Variants in CELF6 observed in about 807,000 individuals in gnomAD.
CELF6 encodes the protein Bruno -like 6, RNA binding protein.
A neutral mutation model predicts 53.1 loss-of-function variants in CELF6; 32 were observed. The observed-to-expected ratio is 0.60, with a 90% CI of 0.46 to 0.81. CELF6 has a LOEUF of 0.81. CELF6 is among the 30% of genes least tolerant of loss of function. CELF6 has a pLI of 0.00. For synonymous variants in CELF6, 291 were observed against 288.8 expected (o/e 1.01, Z -0.08); for missense variants, 539 against 669.5 (o/e 0.81, Z 2.15).
intron 3 of CELF6, among the ~76,000 whole-genome samples, chr15:72,291,161 C>A (rs758299392): frequency 1.3e-5 from 2 of 152,186 alleles, no homozygotes; most frequent in Non-Finnish European, 2.9e-5. Context: ...CTGTGTCCAC[C>A]CTTTCTATGG....
rs1022512547 is a variant in CELF6, at chr15:72,288,196, C to T, written c.1318+112G>A. ...ACTGGTTTGTGACCCTGTTTTGTGC[C>T]ATACATTCAATCTCAGGAAATCACT... On this transcript the variant is annotated intron_variant, in intron 11 of 12. Transcript: ENST00000287202. The surrounding 1 kb of genome is among the most constrained non-coding windows in gnomAD (Gnocchi z 4.6). The T allele has an allele frequency of 2.5e-6, 3 of 1,203,696 alleles. No homozygotes were observed. The highest frequency in any genetic ancestry group is 3.5e-5 in the Admixed American group (2 of 57,348). The allele number at this position is 1,203,696 out of a possible 1,614,324, so 74.6% of individuals were successfully genotyped here.
intron 2 of CELF6, among the ~76,000 whole-genome samples, chr15:72,305,843 A>G (rs1189708632): frequency 6.9e-6 from 1 of 144,510 alleles, no homozygotes; most frequent in African/African-American, 2.7e-5. Context: ...CACCCAAACG[A>G]GAGCTCATTT....
chr15:72,289,141 G>C lies in CELF6; in HGVS notation c.1027C>G (p.Pro343Ala). 6.5e-7 allele frequency: 1 copy of C among 1,531,894 alleles called. No individual in the cohort carries two copies. The allele number at this position is 1,531,894 out of a possible 1,614,324, so 94.9% of individuals were successfully genotyped here. A position where few individuals can be genotyped will look rare whatever the true frequency, so the allele number is the denominator to read the frequency against. ...TTGGGCGGAGCGGGGGGCCCACCTG[G>C]ATAAGGGGAGAGCCCGTTATTGTAG... is the stretch of plus-strand genomic sequence containing the variant. ...TLYNNGLSPYPAQSPGVADPL... is the reference protein window; with the variant it reads ...TLYNNGLSPYAAQSPGVADPL... Residue 343 changes from proline to alanine, a missense_variant, in exon 8 of 13, where the codon CCA (proline) becomes GCA (alanine). Coordinates refer to ENST00000287202, the MANE Select transcript of CELF6 (RefSeq NM_052840.5). This position sits in a 1 kb window ranked among gnomAD's most constrained non-coding sequence, Gnocchi z 7.6.
At chr15:72,311,830 A>C (rs560737142) in intron 2 of CELF6, among the ~76,000 whole-genome samples, 2 of 152,356 alleles carry the variant, frequency 1.3e-5, no homozygotes, top group East Asian at 3.9e-4. Context: ...GATGAATGAG[A>C]AAAAATGTGC....
chr15:72,303,972 C>G (rs1314527219), intron 3 of CELF6, among the ~76,000 whole-genome samples: 1 of 152,074 alleles, frequency 6.6e-6, no homozygotes, highest in Non-Finnish European at 1.5e-5. Flanking sequence ...ATTCTCCTGC[C>G]TCAGCCTCCC....
intron 2 of CELF6, among the ~76,000 whole-genome samples, chr15:72,314,467 A>C (rs1270314366): frequency 6.6e-6 from 1 of 152,050 alleles, no homozygotes; most frequent in African/African-American, 2.4e-5. Context: ...TGTTAGTATA[A>C]CCCACTCCTC....
intron 3 of CELF6, among the ~76,000 whole-genome samples, chr15:72,294,668 A>G (rs1056711088): frequency 3.9e-5 from 6 of 152,236 alleles, no homozygotes; most frequent in Non-Finnish European, 5.9e-5. Flanking sequence ...GCAATGAACA[A>G]TCTGAAAATG....
chr15:72,288,414 A>G lies in CELF6; in HGVS notation c.1212T>C (p.Pro404=). ...TGAGTTCCGCATCACCAAACTCCTGAGGCAGGTGATAGATGAAGAGGTTAC... is the reference window on the plus strand; with the variant it reads ...TGAGTTCCGCATCACCAAACTCCTGGGGCAGGTGATAGATGAAGAGGTTAC... ...EGCNLFIYHL[P]QEFGDAELIQ... is the part of the protein sequence containing the mutation. Residue 404 remains proline (P), a synonymous_variant, in exon 11 of 13, where the codon CCT becomes CCC. Coordinates refer to ENST00000287202, the MANE Select transcript of CELF6 (RefSeq NM_052840.5). The surrounding 1 kb of genome is among the most constrained non-coding windows in gnomAD (Gnocchi z 4.6). The G allele has an allele frequency of 6.2e-7, 1 of 1,614,200 alleles. No homozygotes were observed. Among genetic ancestry groups the G allele is most frequent in the Non-Finnish European group, 8.5e-7 (1 of 1,180,036 alleles).
intron 3 of CELF6, among the ~76,000 whole-genome samples, chr15:72,302,125 A>G (rs1330161678): frequency 1.3e-5 from 2 of 152,264 alleles, no homozygotes; most frequent in African/African-American, 4.8e-5. Context: ...GCACTGAAGA[A>G]AATACATTTT....
chr15:72,312,731 G>C (rs1567285274), intron 2 of CELF6, among the ~76,000 whole-genome samples: 1 of 152,236 alleles, frequency 6.6e-6, no homozygotes, highest in Non-Finnish European at 1.5e-5. Flanking sequence ...CATGGTGACA[G>C]TCCTGCCTGA....
At chr15:72,309,659 A>G (rs1039653008) in intron 2 of CELF6, among the ~76,000 whole-genome samples, 2 of 152,166 alleles carry the variant, frequency 1.3e-5, no homozygotes, top group Non-Finnish European at 2.9e-5. Context: ...CTGGAGGAGA[A>G]AGAGAGCTGC....
chr15:72,299,438 C>G (rs543509857), intron 3 of CELF6, among the ~76,000 whole-genome samples: 1 of 149,456 alleles, frequency 6.7e-6, no homozygotes, highest in African/African-American at 2.5e-5. Context: ...CGGCTCACTG[C>G]AACCTCCGCC....
chr15:72,289,574 C>T lies in CELF6; in HGVS notation c.747+53G>A, dbSNP rs2087975340. On this transcript the variant is annotated intron_variant, in intron 6 of 12. Transcript: ENST00000287202. The surrounding 1 kb of genome is among the most constrained non-coding windows in gnomAD (Gnocchi z 7.6). ...AGGCAGCTGCCCGTGCTCTCAGCCC[C>T]AGGCCTGGCCCACCCACCTGCGCGC... The T allele has an allele frequency of 6.8e-7, 1 of 1,475,108 alleles. No individual in the cohort carries two copies. The highest frequency in any genetic ancestry group is 1.4e-5 in the African/African-American group (1 of 69,288). The allele number at this position is 1,475,108 out of a possible 1,614,324, so 91.4% of individuals were successfully genotyped here.
intron 3 of CELF6, among the ~76,000 whole-genome samples, chr15:72,299,788 T>C (rs1275327889): frequency 1.3e-5 from 2 of 152,176 alleles, no homozygotes; most frequent in African/African-American, 2.4e-5. Context: ...GGATGTAAAA[T>C]ATAGGCCTGG....
chr15:72,304,825 A>G (rs1410254796), intron 2 of CELF6, 31 bp from the exon 3 acceptor site: 15 of 1,612,334 alleles, frequency 9.3e-6, no homozygotes, highest in Non-Finnish European at 1.1e-5. Flanking sequence ...ACACCCATTC[A>G]GCGTGACTGC....
chr15:72,308,376 C>G (rs151178836), intron 2 of CELF6, among the ~76,000 whole-genome samples: 11 of 151,936 alleles, frequency 7.2e-5, no homozygotes, highest in Non-Finnish European at 1.6e-4. Context: ...TACAGGCATG[C>G]GCCACCATGC....
At chr15:72,302,180 C>T (rs1010643902) in intron 3 of CELF6, among the ~76,000 whole-genome samples, 4 of 152,160 alleles carry the variant, frequency 2.6e-5, no homozygotes, top group South Asian at 2.1e-4. Context: ...TATTAAAATA[C>T]TTATAAATTG....
At position 72,289,591 on chromosome 15, in the gene CELF6, C is replaced by A. The variant is rs1292986480; in HGVS notation, c.747+36G>T. The A allele has an allele frequency of 6.8e-7, 1 of 1,476,454 alleles. No homozygotes were observed. Among genetic ancestry groups the A allele is most frequent in the Non-Finnish European group, 8.9e-7 (1 of 1,121,298 alleles). 91.5% of individuals were successfully genotyped at this position (1,476,454 alleles called of 1,614,324 possible). A position where few individuals can be genotyped will look rare whatever the true frequency, so the allele number is the denominator to read the frequency against. The stretch of plus-strand genomic sequence containing the variant: ...CTCAGCCCCAGGCCTGGCCCACCCA[C>A]CTGCGCGCCCTCGCACGCAGGTGCC... On this transcript the variant is annotated intron_variant, in intron 6 of 12. Coordinates refer to ENST00000287202, the MANE Select transcript of CELF6 (RefSeq NM_052840.5). The surrounding 1 kb of genome is among the most constrained non-coding windows in gnomAD (Gnocchi z 7.6).
At chr15:72,304,467 T>C (rs1239329638) in intron 3 of CELF6, among the ~76,000 whole-genome samples, 3 of 152,126 alleles carry the variant, frequency 2.0e-5, no homozygotes, top group Non-Finnish European at 4.4e-5. Flanking sequence ...ACAGGAATGA[T>C]CTCTCTCCAA....
Sources: allele counts gnomAD v4.1 joint callset (sites outside exome capture counted in the v4.1 genomes callset), GRCh38; gene constraint gnomAD v4.1.1; non-coding constraint Gnocchi (gnomAD v3.1); transcripts MANE v1.5; gene names NCBI Gene and HGNC (gene_info 2026-07-23, HGNC 2026-07-21).